COL5A2: variants seen among roughly 807,000 people sequenced by gnomAD.
The protein encoded by COL5A2 is collagen alpha-2(V) chain.
A neutral mutation model predicts 208.2 loss-of-function variants in COL5A2; 23 were observed. The observed-to-expected ratio is 0.11, with a 90% CI of 0.08 to 0.16. COL5A2 has a LOEUF of 0.16. Among genes scored for constraint, COL5A2 ranks in the 10% least tolerant of loss-of-function variants. The probability of loss-of-function intolerance (pLI) is 1.00; values close to 1 mark genes in which losing one functional copy is unlikely to be tolerated. For missense variants in COL5A2, 1,590 were observed against 1,956.4 expected, an observed-to-expected ratio of 0.81 and a Z score of 3.53; for synonymous variants, 625 against 628.5, an observed-to-expected ratio of 0.99 and a Z score of 0.08.
intron 6 of COL5A2, chr2:189,095,021 C>G (rs903614919): frequency 1.3e-5 from 2 of 151,822 alleles, no homozygotes; most frequent in African/African-American, 2.4e-5. Context: ...TGGGTAGATA[C>G]CAGGAATGCC....
At chr2:189,399,098 C>T in the COL5A2 span, among the ~76,000 whole-genome samples, 2 of 152,170 alleles carry the variant, frequency 1.3e-5, no homozygotes, top group African/African-American at 4.8e-5. Context: ...CATATGTTTA[C>T]TCTTATAGCT....
intron 1 of COL5A2, among the ~76,000 whole-genome samples, chr2:189,164,784 T>C (rs529569800): frequency 2.8e-4 from 43 of 152,362 alleles, no homozygotes; most frequent in South Asian, 2.7e-3. Context: ...ATCTCTGTTT[T>C]GTAAATGAGA....
chr2:189,190,057 T>C (rs560124299), intron 1 of COL5A2, among the ~76,000 whole-genome samples: 12 of 152,304 alleles, frequency 7.9e-5, no homozygotes, highest in South Asian at 6.2e-4. Context: ...ATCTGAGTCC[T>C]TCTTGACACC....
At chr2:189,107,903 T>G (rs1464354351) in intron 2 of COL5A2, among the ~76,000 whole-genome samples, 1 of 151,710 alleles carries the variant, frequency 6.6e-6, no homozygotes, top group Non-Finnish European at 1.5e-5. Context: ...GTTTCTTTTT[T>G]CTTACATGCC....
chr2:189,307,162 T>C, the COL5A2 span, among the ~76,000 whole-genome samples: 1 of 152,174 alleles, frequency 6.6e-6, no homozygotes, highest in South Asian at 2.1e-4. Context: ...TGAATTCCTT[T>C]TACAGAAATT....
chr2:189,298,155 T>C, the COL5A2 span, among the ~76,000 whole-genome samples: 5 of 152,252 alleles, frequency 3.3e-5, no homozygotes, highest in East Asian at 9.7e-4. Context: ...CCTAGCTCCT[T>C]TAATGGGTTG....
At chr2:189,082,216 C>T (rs1296882160) in intron 12 of COL5A2, among the ~76,000 whole-genome samples, 3 of 152,208 alleles carry the variant, frequency 2.0e-5, no homozygotes, top group Non-Finnish European at 2.9e-5. Flanking sequence ...GTTTCATTCA[C>T]TATTTCTAAA....
intron 1 of COL5A2, among the ~76,000 whole-genome samples, chr2:189,186,496 T>C (rs897697134): frequency 4.6e-5 from 7 of 152,176 alleles, no homozygotes; most frequent in Middle Eastern, 3.2e-3. Flanking sequence ...GTGGGGTAAG[T>C]GCTACTTTTT....
At chr2:189,388,537 G>A in the COL5A2 span, among the ~76,000 whole-genome samples, 1 of 152,168 alleles carries the variant, frequency 6.6e-6, no homozygotes, top group African/African-American at 2.4e-5. Context: ...CAAGATAAAT[G>A]GCGGGATTTT....
the COL5A2 span, among the ~76,000 whole-genome samples, chr2:189,346,995 A>C: frequency 6.6e-6 from 1 of 152,208 alleles, no homozygotes; most frequent in Non-Finnish European, 1.5e-5. Context: ...AGAATAAAAC[A>C]AATTTTAAAA....
intron 1 of COL5A2, among the ~76,000 whole-genome samples, chr2:189,120,613 G>A (rs1336659691): frequency 6.6e-6 from 1 of 152,134 alleles, no homozygotes; most frequent in Non-Finnish European, 1.5e-5. Flanking sequence ...ATCATCTATT[G>A]ATTCTCCTTT....
chr2:189,181,454 T>G (rs1237820533), upstream of COL5A2, among the ~76,000 whole-genome samples: 2 of 152,218 alleles, frequency 1.3e-5, no homozygotes, highest in Non-Finnish European at 2.9e-5. Flanking sequence ...GGCTAGGACT[T>G]GAAATCCATC....
chr2:189,170,488 T>C (rs1031328672), intron 1 of COL5A2, among the ~76,000 whole-genome samples: 2 of 152,108 alleles, frequency 1.3e-5, no homozygotes, highest in African/African-American at 2.4e-5. Flanking sequence ...TTAGAGGATA[T>C]AAGATTTGAA....
intron 29 of COL5A2, among the ~76,000 whole-genome samples, chr2:189,062,507 A>T (rs1253082620): frequency 6.6e-6 from 1 of 152,104 alleles, no homozygotes; most frequent in African/African-American, 2.4e-5. Context: ...TATAAGATGC[A>T]TTATTGAGAG....
chr2:189,142,195 TAC>T (rs1687947149), intron 1 of COL5A2, among the ~76,000 whole-genome samples: 1 of 152,074 alleles, frequency 6.6e-6, no homozygotes, highest in Non-Finnish European at 1.5e-5. Context: ...AATAATAAAA[TAC>T]ATTTTAGTGC....
At position 189,057,319 on chromosome 2, in the gene COL5A2, C is replaced by T; in HGVS notation, c.2337+1G>A. On this transcript the variant is annotated splice_donor_variant, in intron 34 of 53. Transcript: ENST00000374866. LOFTEE classifies it high-confidence loss of function. ...AAAAAAAAAAAAAAAAAAGGACTTACTCTGTCACCCTTGGGGCCAGGAGTT... is the reference window on the plus strand; with the variant it reads ...AAAAAAAAAAAAAAAAAAGGACTTATTCTGTCACCCTTGGGGCCAGGAGTT... 1.1e-6 allele frequency: 1 copy of T among 924,786 alleles called. No individual in the cohort carries two copies. Among genetic ancestry groups the T allele is most frequent in the Non-Finnish European group, 1.7e-6 (1 of 582,388 alleles). The allele number at this position is 924,786 out of a possible 1,614,324, so 57.3% of individuals were successfully genotyped here.
At chr2:189,397,469 C>G in the COL5A2 span, among the ~76,000 whole-genome samples, 1 of 152,074 alleles carries the variant, frequency 6.6e-6, no homozygotes, top group African/African-American at 2.4e-5. Flanking sequence ...AGACTGAATC[C>G]TAGTAGGAAA....
intron 1 of COL5A2, among the ~76,000 whole-genome samples, chr2:189,116,436 C>T (rs1687392495): frequency 6.6e-6 from 1 of 152,094 alleles, no homozygotes; most frequent in African/African-American, 2.4e-5. Flanking sequence ...GAGGAGATGC[C>T]AAAAATTCCA....
In COL5A2 at chr2:189,035,658, T is replaced by A. The variant is rs903129577; in HGVS notation, c.4114-503A>T. 2.0e-5 allele frequency among the ~76,000 whole-genome samples: 3 copies of A among 152,078 alleles called. 1 individual carries two copies. The highest frequency in any genetic ancestry group is 4.4e-5 in the Non-Finnish European group (3 of 67,992). On this transcript the variant is annotated intron_variant, in intron 52 of 53. Transcript: ENST00000374866. Reference sequence around the variant, plus strand: ...TGGTTTCAGCACTCCCATTTGGGGGTTTTATTTTACATATTATATTAGCTA... The same window carrying A: ...TGGTTTCAGCACTCCCATTTGGGGGATTTATTTTACATATTATATTAGCTA...
Sources: gnomAD v4.1 joint callset for allele counts (sites outside exome capture counted in the v4.1 genomes callset) on GRCh38, gnomAD v4.1.1 for gene constraint, MANE v1.5 for transcripts, NCBI Gene and HGNC (gene_info 2026-07-23, HGNC 2026-07-21) for gene names.